Variants in STXBP5 observed in about 807,000 individuals in gnomAD.
The protein encoded by STXBP5 is syntaxin binding protein 5, also known as syntaxin-binding protein 5.
In STXBP5, 50 loss-of-function variants were observed where a neutral mutation model predicts 152.4. The ratio of observed to expected loss-of-function variants is 0.33; its 90% CI spans 0.26 to 0.42. The LOEUF is 0.42. Among genes scored for constraint, STXBP5 ranks in the 10% least tolerant of loss-of-function variants. STXBP5 has a pLI of 1.00. For missense variants in STXBP5, 1,167 were observed against 1,388.6 expected, an observed-to-expected ratio of 0.84 and a Z score of 2.54; for synonymous variants, 492 against 494.7, an observed-to-expected ratio of 0.99 and a Z score of 0.07.
At chr6:147,216,281 A>T (rs918663118) in intron 2 of STXBP5, among the ~76,000 whole-genome samples, 1 of 152,100 alleles carries the variant, frequency 6.6e-6, no homozygotes, top group Non-Finnish European at 1.5e-5. Flanking sequence ...AATCCCAGCT[A>T]CTTGGGAGGC....
intron 27 of STXBP5, among the ~76,000 whole-genome samples, chr6:147,383,629 G>A (rs1786202727): frequency 6.6e-6 from 1 of 151,998 alleles, no homozygotes; most frequent in Non-Finnish European, 1.5e-5. Flanking sequence ...TGACACACAG[G>A]CCTGCCTTTC....
rs780853199 is a variant in STXBP5, at chr6:147,386,319, G to T, written c.*1564G>T. 30 of 151,766 alleles carry T rather than the reference G, an allele frequency of 2.0e-4. No homozygotes were observed. Among genetic ancestry groups the T allele is most frequent in the Middle Eastern group, 3.4e-3 (1 of 294 alleles). The allele number at this position is 151,766 out of a possible 1,614,324, so 9.4% of individuals were successfully genotyped here. ...GCACAAATTGATAGTAAACAGGATG[G>T]TTGTTTTTCTATTCTATATGATCAT... On this transcript the variant is annotated 3_prime_UTR_variant, in exon 28 of 28. Coordinates refer to ENST00000321680, the MANE Select transcript of STXBP5 (RefSeq NM_001127715.4).
At chr6:147,320,619 G>A (rs1582940216) in intron 16 of STXBP5, among the ~76,000 whole-genome samples, 2 of 148,888 alleles carry the variant, frequency 1.3e-5, no homozygotes, top group South Asian at 4.3e-4. Flanking sequence ...TTTGTTTTTG[G>A]CAGCCATGGG....
intron 22 of STXBP5, among the ~76,000 whole-genome samples, chr6:147,355,438 T>C (rs1475532195): frequency 1.3e-5 from 2 of 152,138 alleles, no homozygotes; most frequent in African/African-American, 4.8e-5. Flanking sequence ...ATGGAGGCAT[T>C]AATGACAAAT....
intron 9 of STXBP5, among the ~76,000 whole-genome samples, chr6:147,302,630 T>C (rs1190502909): frequency 1.3e-5 from 2 of 151,886 alleles, no homozygotes; most frequent in African/African-American, 2.4e-5. Context: ...GCCTGGCCAA[T>C]ATGGTGAAAC....
At chr6:147,344,688 G>A (rs1784241857) in intron 21 of STXBP5, among the ~76,000 whole-genome samples, 1 of 152,266 alleles carries the variant, frequency 6.6e-6, no homozygotes, top group East Asian at 1.9e-4. Context: ...CAGCCTAAGG[G>A]CATCATTTTA....
intron 2 of STXBP5, among the ~76,000 whole-genome samples, chr6:147,221,674 C>G (rs1470609053): frequency 6.7e-6 from 1 of 150,324 alleles, no homozygotes; most frequent in African/African-American, 2.4e-5. Flanking sequence ...TTTCCAATGG[C>G]TTCTTTCAAG....
chr6:147,339,662 CGTAA>C (rs765544670), intron 21 of STXBP5, among the ~76,000 whole-genome samples: 29 of 151,916 alleles, frequency 1.9e-4, no homozygotes, highest in East Asian at 5.8e-4. Flanking sequence ...CAATTTATGC[CGTAA>C]GTAACACAAT....
chr6:147,242,663 C>T (rs1157405687), intron 4 of STXBP5, among the ~76,000 whole-genome samples: 1 of 152,192 alleles, frequency 6.6e-6, no homozygotes, highest in African/African-American at 2.4e-5. Flanking sequence ...ATGTAATACG[C>T]AGTAACATGC....
chr6:147,222,048 C>G (rs564832775), intron 2 of STXBP5, among the ~76,000 whole-genome samples: 4 of 151,990 alleles, frequency 2.6e-5, no homozygotes, highest in African/African-American at 9.7e-5. Context: ...ACTATGGAGT[C>G]TGTCAAAGGC....
At chr6:147,379,869 TAAGAA>T (rs1785991966) in intron 26 of STXBP5, among the ~76,000 whole-genome samples, 4 of 152,006 alleles carry the variant, frequency 2.6e-5, no homozygotes, top group Admixed American at 2.6e-4. Context: ...AAAATGAAAT[TAAGAA>T]AAGTTTCATT....
At chr6:147,280,513 T>G (rs1182939627) in intron 8 of STXBP5, among the ~76,000 whole-genome samples, 1 of 152,188 alleles carries the variant, frequency 6.6e-6, no homozygotes, top group Non-Finnish European at 1.5e-5. Flanking sequence ...TGTTAAGTAT[T>G]TTGATTTGAA....
At chr6:147,306,814 G>T (rs114199045) in intron 9 of STXBP5, among the ~76,000 whole-genome samples, 1 of 152,306 alleles carries the variant, frequency 6.6e-6, no homozygotes, top group African/African-American at 2.4e-5. Context: ...CCCTTCTGGG[G>T]ACTGTCCTCG....
At position 147,359,210 on chromosome 6, in the gene STXBP5, C is replaced by G. The variant is rs1279184279; in HGVS notation, c.2432C>G (p.Pro811Arg). 1.2e-6 allele frequency: 2 copies of G among 1,614,048 alleles called. No homozygotes were observed. The highest frequency in any genetic ancestry group is 2.7e-5 in the African/African-American group (2 of 75,042). Residue 811 changes from proline (P) to arginine (R), a missense_variant, in exon 23 of 28, where the codon CCT becomes CGT. Pro to Arg is a moderately radical substitution (Grantham distance 103, BLOSUM62 -2). Transcript: ENST00000321680. ...TTTACTCGAAAGACGGACTCGTCCC[C>G]TTCCCCTTGTCTATGGGTTGGAACA... The part of the protein sequence containing the change: ...ETFTRKTDSS[P>R]SPCLWVGTTL...
In STXBP5 at chr6:147,258,979, G is replaced by T. The variant is rs541609491; in HGVS notation, c.432-1636G>T. Among the ~76,000 whole-genome samples the T allele has an allele frequency of 2.6e-5, 4 of 152,044 alleles. No homozygotes were observed. The South Asian group carries it at 6.2e-4, about 24-fold the overall frequency. Reference sequence around the variant, plus strand: ...ACAATTTGCCAGTTAAGAAATTCTTGAGTTCATTGTGATTTAAAAAGCATT... The same window carrying T: ...ACAATTTGCCAGTTAAGAAATTCTTTAGTTCATTGTGATTTAAAAAGCATT... On this transcript the variant is annotated intron_variant, in intron 4 of 27. Transcript: ENST00000321680.
At chr6:147,271,332 A>T (rs1582872203) in intron 7 of STXBP5, among the ~76,000 whole-genome samples, 1 of 152,156 alleles carries the variant, frequency 6.6e-6, no homozygotes, top group East Asian at 1.9e-4. Context: ...AGTAGGTATC[A>T]GAGTGTTTCA....
At position 147,204,488 on chromosome 6, in the gene STXBP5, C is replaced by T; in HGVS notation, c.-45C>T. On this transcript the variant is annotated 5_prime_UTR_variant, in exon 1 of 28. Coordinates refer to ENST00000321680, the MANE Select transcript of STXBP5 (RefSeq NM_001127715.4). The surrounding 1 kb of genome is among the most constrained non-coding windows in gnomAD (Gnocchi z 4.3). ...GGGTGGTCTCCCCCGCCCGGGGACC[C>T]CCTGTGCCTCCCCTCCCGGGCTGCG... 6.2e-7 allele frequency: 1 copy of T among 1,601,008 alleles called. No individual in the cohort carries two copies.
intron 25 of STXBP5, among the ~76,000 whole-genome samples, chr6:147,373,357 C>A (rs905238188): frequency 1.1e-5 from 1 of 94,882 alleles, no homozygotes. Context: ...CAGAGTGAGA[C>A]TGTCTCAAAA....
At chr6:147,207,400 A>C (rs1414810492) in intron 2 of STXBP5, among the ~76,000 whole-genome samples, 1 of 152,214 alleles carries the variant, frequency 6.6e-6, no homozygotes, top group Non-Finnish European at 1.5e-5. Flanking sequence ...AAATCTGACC[A>C]GGCTAGATCT....
Sources: gnomAD v4.1 joint callset for allele counts (sites outside exome capture counted in the v4.1 genomes callset) on GRCh38, gnomAD v4.1.1 for gene constraint, Gnocchi (gnomAD v3.1) non-coding constraint, MANE v1.5 for transcripts, NCBI Gene and HGNC (gene_info 2026-07-23, HGNC 2026-07-21) for gene names.